Variants in CIROZ observed in about 807,000 individuals in gnomAD.
CIROZ encodes ciliated left-right organizer ZP-N domains-containing protein.
the CIROZ span, among the ~76,000 whole-genome samples, chr1:10,952,801 C>A: frequency 7.2e-5 from 11 of 152,176 alleles, no homozygotes; most frequent in Admixed American, 7.2e-4. Flanking sequence ...CGTGAGCCAC[C>A]GCGTCTGGCC....
the CIROZ span, chr1:10,966,429 A>C: frequency 6.5e-7 from 1 of 1,536,968 alleles, no homozygotes; most frequent in Non-Finnish European, 8.7e-7. Context: ...AGATGCAGGA[A>C]GTAGCCACAT....
the CIROZ span, chr1:10,966,495 A>T: frequency 6.5e-7 from 1 of 1,528,302 alleles, no homozygotes; most frequent in Non-Finnish European, 8.7e-7. Context: ...GGAATGAGAA[A>T]GGGACAGAAA....
At chr1:10,957,456 T>C in the CIROZ span, 1 of 1,064,268 alleles carries the variant, frequency 9.4e-7, no homozygotes, top group Non-Finnish European at 1.3e-6. Flanking sequence ...CGGAGCGCTT[T>C]ACGCTAATGG....
the CIROZ span, chr1:10,948,053 C>T: frequency 6.2e-7 from 1 of 1,613,368 alleles, no homozygotes; most frequent in South Asian, 1.1e-5. Flanking sequence ...GCGCTGCCAG[C>T]CTCACCCTGG....
the CIROZ span, among the ~76,000 whole-genome samples, chr1:10,966,111 A>G: frequency 6.6e-6 from 1 of 152,170 alleles, no homozygotes; most frequent in Non-Finnish European, 1.5e-5. Flanking sequence ...CAATGATAGA[A>G]GCAGGTCTAC....
chr1:10,961,577 G>T, the CIROZ span, among the ~76,000 whole-genome samples: 1 of 152,146 alleles, frequency 6.6e-6, no homozygotes, highest in Non-Finnish European at 1.5e-5. Flanking sequence ...CTCTTCCTGG[G>T]GCAAGTCATG....
chr1:10,951,319 G>A, the CIROZ span, among the ~76,000 whole-genome samples: 1 of 152,010 alleles, frequency 6.6e-6, no homozygotes, highest in Admixed American at 6.6e-5. Context: ...AATCCCAGCA[G>A]TACGGGAGGC....
At chr1:10,975,774 T>C in the CIROZ span, among the ~76,000 whole-genome samples, 1 of 151,998 alleles carries the variant, frequency 6.6e-6, no homozygotes, top group Non-Finnish European at 1.5e-5. Context: ...TATGGGACCT[T>C]AGACAAGTCA....
At chr1:10,970,168 G>A in the CIROZ span, 3 of 1,318,312 alleles carry the variant, frequency 2.3e-6, no homozygotes, top group East Asian at 2.6e-5. Context: ...AAGGAAGGAA[G>A]GAAGGAAGGA....
At chr1:10,948,249 C>A in the CIROZ span, 36 of 1,613,948 alleles carry the variant, frequency 2.2e-5, no homozygotes, top group African/African-American at 4.3e-4. Context: ...GAGACCAGGC[C>A]CTGTCTGGCG....
chr1:10,951,318 A>T, the CIROZ span, among the ~76,000 whole-genome samples: 2 of 152,110 alleles, frequency 1.3e-5, no homozygotes, highest in Non-Finnish European at 2.9e-5. Flanking sequence ...TAATCCCAGC[A>T]GTACGGGAGG....
the CIROZ span, chr1:10,964,281 G>A: frequency 6.2e-7 from 1 of 1,603,938 alleles, no homozygotes; most frequent in South Asian, 1.1e-5. Context: ...TCTGGAAGTA[G>A]GGCAAAATTC....
chr1:10,976,261 G>C, the CIROZ span: 1 of 1,532,380 alleles, frequency 6.5e-7, no homozygotes. Context: ...ACGGCCCTGC[G>C]GGAGAGGAGG....
the CIROZ span, chr1:10,957,618 C>T: frequency 6.2e-7 from 1 of 1,614,050 alleles, no homozygotes; most frequent in Non-Finnish European, 8.5e-7. Context: ...CCACTGACCT[C>T]CCACCTCTGA....
At chr1:10,950,813 A>G in the CIROZ span, among the ~76,000 whole-genome samples, 1 of 151,906 alleles carries the variant, frequency 6.6e-6, no homozygotes, top group South Asian at 2.1e-4. Context: ...AGGGTGTTTG[A>G]ACTATTTTTT....
chr1:10,949,818 C>A, the CIROZ span: 1 of 1,543,766 alleles, frequency 6.5e-7, no homozygotes, highest in Non-Finnish European at 8.8e-7. Flanking sequence ...CCTGAACCTT[C>A]CAGAGAGAAG....
chr1:10,975,350 A>G, the CIROZ span, among the ~76,000 whole-genome samples: 31 of 143,492 alleles, frequency 2.2e-4, no homozygotes, highest in African/African-American at 7.8e-4. Flanking sequence ...GGTTGTGGTG[A>G]GCCGAAGTTG....
the CIROZ span, among the ~76,000 whole-genome samples, chr1:10,967,174 C>A: frequency 7.6e-6 from 1 of 131,394 alleles, no homozygotes; most frequent in East Asian, 2.0e-4. Context: ...AAAAAAAAAA[C>A]TCCATTGCTT....
At chr1:10,962,159 G>T in the CIROZ span, among the ~76,000 whole-genome samples, 2 of 151,960 alleles carry the variant, frequency 1.3e-5, no homozygotes, top group African/African-American at 4.8e-5. Context: ...AAATTAAAGT[G>T]ACTTGACCGG....
Sources: allele counts gnomAD v4.1 joint callset (sites outside exome capture counted in the v4.1 genomes callset), GRCh38; gene constraint gnomAD v4.1.1; transcripts MANE v1.5; gene names NCBI Gene and HGNC (gene_info 2026-07-23, HGNC 2026-07-21).